GLDC: variants seen among roughly 807,000 people sequenced by gnomAD.
The protein encoded by GLDC is glycine dehydrogenase (decarboxylating), mitochondrial.
A neutral mutation model predicts 121.3 loss-of-function variants in GLDC; 104 were observed. The observed-to-expected ratio is 0.86, with a 90% CI of 0.73 to 1.01. The LOEUF is 1.01. Among genes scored for constraint, GLDC ranks in the 50% least tolerant of loss-of-function variants. GLDC has a pLI of 0.00. For synonymous variants in GLDC, 546 were observed against 480.6 expected (o/e 1.14, Z -1.78); for missense variants, 1,429 against 1,306.6 (o/e 1.09, Z -1.44).
chr9:6,592,169 A>T lies in GLDC; in HGVS notation c.1456T>A (p.Trp486Arg). Reference protein sequence around the residue: ...VNEKDLDDLLWIFGCESSAEL... With the variant: ...VNEKDLDDLLRIFGCESSAEL... ...GCAGATGACTCACAACCAAAGATCCACAACAAATCGTCCAGATCTTTTTCA... is the reference window on the plus strand; with the variant it reads ...GCAGATGACTCACAACCAAAGATCCTCAACAAATCGTCCAGATCTTTTTCA... Residue 486 changes from tryptophan (W) to arginine (R), a missense_variant, in exon 11 of 25, where the codon TGG (tryptophan) becomes AGG (arginine). Coordinates refer to ENST00000321612, the MANE Select transcript of GLDC (RefSeq NM_000170.3). 6 of 1,605,982 alleles carry T rather than the reference A, an allele frequency of 3.7e-6. No homozygotes were observed. Among genetic ancestry groups the T allele is most frequent in the Non-Finnish European group, 5.1e-6 (6 of 1,172,662 alleles).
chr9:6,587,201 T>C lies in GLDC; in HGVS notation c.1790A>G (p.Glu597Gly). 6.2e-7 allele frequency: 1 copy of C among 1,613,980 alleles called. No homozygotes were observed. Among genetic ancestry groups the C allele is most frequent in the Non-Finnish European group, 8.5e-7 (1 of 1,179,912 alleles). ...QAQGYQQLFRELEKDLCELTG... is the reference protein window; with the variant it reads ...QAQGYQQLFRGLEKDLCELTG... ...GAGTTCACACAAATCCTTCTCAAGC[T>C]CTCGGAAAAGCTGCTGATATCCTTG... Residue 597 changes from glutamate to glycine, a missense_variant, in exon 15 of 25, where the codon GAG becomes GGG. By Grantham distance (98) the Glu-to-Gly change is moderately conservative (BLOSUM62 -2). Coordinates refer to ENST00000321612, the MANE Select transcript of GLDC (RefSeq NM_000170.3).
chr9:6,545,776 G>A (rs1817374717), intron 21 of GLDC, among the ~76,000 whole-genome samples: 1 of 152,060 alleles, frequency 6.6e-6, no homozygotes, highest in Admixed American at 6.6e-5. Context: ...GAGTAGCTGG[G>A]ATTACAGATG....
chr9:6,606,702 A>T, intron 4 of GLDC, 33 bp from the exon 5 acceptor site: 1 of 1,190,900 alleles, frequency 8.4e-7, no homozygotes, highest in Non-Finnish European at 1.3e-6. Flanking sequence ...TCCAACGTGA[A>T]CATTAAATAA....
At chr9:6,579,595 G>A (rs899515342) in intron 15 of GLDC, among the ~76,000 whole-genome samples, 1 of 151,986 alleles carries the variant, frequency 6.6e-6, no homozygotes, top group Non-Finnish European at 1.5e-5. Context: ...CTGGCCTTAC[G>A]TGATCCTCCT....
intron 11 of GLDC, among the ~76,000 whole-genome samples, chr9:6,590,775 C>A (rs1818360092): frequency 6.6e-6 from 1 of 152,176 alleles, no homozygotes; most frequent in Non-Finnish European, 1.5e-5. Flanking sequence ...ATGCATGAAC[C>A]AAATATCTGT....
At chr9:6,588,896 C>G (rs986502233) in intron 12 of GLDC, among the ~76,000 whole-genome samples, 194 bp from the exon 13 acceptor site, 1 of 152,150 alleles carries the variant, frequency 6.6e-6, no homozygotes, top group Non-Finnish European at 1.5e-5. Flanking sequence ...GGACAAGAAG[C>G]TGACTGTGGG....
Position 6,535,975 on chromosome 9 carries a change from G to T in GLDC, c.2838+89C>A, listed in dbSNP as rs3765555. 282,628 of 1,090,820 alleles carry T rather than the reference G, an allele frequency of 0.26. 39,349 individuals are homozygous for T. Among genetic ancestry groups the T allele is most frequent in the Admixed American group, 0.36 (21,327 of 58,888 alleles). The allele number at this position is 1,090,820 out of a possible 1,614,324, so 67.6% of individuals were successfully genotyped here. On this transcript the variant is annotated intron_variant, in intron 23 of 24. Coordinates refer to ENST00000321612, the MANE Select transcript of GLDC (RefSeq NM_000170.3). ...ATTCTAGGGAAGAGTATCATCCTCAGTTGAGAGTTCGGGAGTTGCTGGTAC... is the reference window on the plus strand; with the variant it reads ...ATTCTAGGGAAGAGTATCATCCTCATTTGAGAGTTCGGGAGTTGCTGGTAC...
At position 6,620,483 on chromosome 9, in the gene GLDC, C is replaced by CA. The variant is rs34280433; in HGVS notation, c.335-165dup. Among the ~76,000 whole-genome samples, 442 of 142,888 alleles carry CA rather than the reference C, an allele frequency of 3.1e-3. 1 individual carries two copies. Among genetic ancestry groups the CA allele is most frequent in the Non-Finnish European group, 5.0e-3 (322 of 64,812 alleles). 93.7% of individuals were successfully genotyped at this position (142,888 alleles called of 152,430 possible). On this transcript the variant is annotated intron_variant, in intron 2 of 24. Coordinates refer to ENST00000321612, the MANE Select transcript of GLDC (RefSeq NM_000170.3). ...ACACTAAGTACTGTATGCGACATCT[C>CA]AAAAAAAAAAAAAGTCCCCAAACAA...
At chr9:6,634,569 A>AAAAAC (rs1563872444) in intron 2 of GLDC, among the ~76,000 whole-genome samples, 22 of 145,626 alleles carry the variant, frequency 1.5e-4, no homozygotes, top group African/African-American at 5.6e-4. Context: ...CAAAAAAAAA[A>AAAAAC]CCCGCCATGC....
At chr9:6,558,788 C>G in intron 16 of GLDC, 104 bp from the exon 17 acceptor site, 1 of 1,212,476 alleles carries the variant, frequency 8.2e-7, no homozygotes, top group Non-Finnish European at 1.2e-6. Context: ...TAGACACCAC[C>G]TGTTTTTATT....
intron 15 of GLDC, among the ~76,000 whole-genome samples, chr9:6,573,367 A>T (rs1281301040): frequency 6.6e-6 from 1 of 152,186 alleles, no homozygotes; most frequent in Non-Finnish European, 1.5e-5. Flanking sequence ...AAGCTGAGAC[A>T]CAAGAATCGC....
At chr9:6,550,073 G>T (rs978980555) in intron 21 of GLDC, among the ~76,000 whole-genome samples, 1 of 152,152 alleles carries the variant, frequency 6.6e-6, no homozygotes, top group East Asian at 1.9e-4. Context: ...TGCTTACTCA[G>T]GCTCTCATCG....
chr9:6,620,041 C>T, intron 3 of GLDC, 143 bp downstream of exon 3: 1 of 800,532 alleles, frequency 1.2e-6, no homozygotes, highest in Non-Finnish European at 2.2e-6. Context: ...TCCAGAGAAA[C>T]CCGGTAGGTT....
intron 18 of GLDC, among the ~76,000 whole-genome samples, chr9:6,555,634 T>G (rs1817610259): frequency 6.6e-6 from 1 of 151,238 alleles, no homozygotes; most frequent in Non-Finnish European, 1.5e-5. Flanking sequence ...ATAAAAAAAT[T>G]TAAAAAAATT....
chr9:6,588,631 C>A lies in GLDC; in HGVS notation c.1652G>T (p.Ser551Ile), dbSNP rs751822565. 9.3e-6 allele frequency: 15 copies of A among 1,609,490 alleles called. No individual in the cohort carries two copies. The highest frequency in any genetic ancestry group is 1.3e-5 in the Non-Finnish European group (15 of 1,175,922). ...ACAAATAACTACCAGTGGAATCATGCTGTGAACAAGGGAAATGTCTTTATT... is the reference window on the plus strand; with the variant it reads ...ACAAATAACTACCAGTGGAATCATGATGTGAACAAGGGAAATGTCTTTATT... ...LENKDISLVHSMIPLGSCTMK... is the reference protein window; with the variant it reads ...LENKDISLVHIMIPLGSCTMK... The change falls in exon 13 of 25, where the codon AGC (serine) becomes ATC (isoleucine). Residue 551 changes from serine (S) to isoleucine (I), a missense_variant. By Grantham distance (142) the Ser-to-Ile change is moderately radical. Coordinates refer to ENST00000321612, the MANE Select transcript of GLDC (RefSeq NM_000170.3).
At chr9:6,535,317 A>G (rs1259080688) in intron 23 of GLDC, among the ~76,000 whole-genome samples, 1 of 151,620 alleles carries the variant, frequency 6.6e-6, no homozygotes, top group Non-Finnish European at 1.5e-5. Context: ...GTGTCTTCAG[A>G]GAGAAAAGAG....
intron 15 of GLDC, among the ~76,000 whole-genome samples, chr9:6,583,967 G>T (rs892132825): frequency 1.3e-5 from 2 of 152,194 alleles, no homozygotes; most frequent in African/African-American, 2.4e-5. Flanking sequence ...CTGTACAACA[G>T]TGTGAATATA....
intron 15 of GLDC, among the ~76,000 whole-genome samples, chr9:6,577,026 A>G (rs1818078084): frequency 6.6e-6 from 1 of 152,200 alleles, no homozygotes; most frequent in African/African-American, 2.4e-5. Context: ...CCAAAGAGAA[A>G]GGTCCCTGCT....
chr9:6,609,577 G>A (rs1167118694), intron 4 of GLDC, among the ~76,000 whole-genome samples: 1 of 151,950 alleles, frequency 6.6e-6, no homozygotes, highest in African/African-American at 2.4e-5. Context: ...TGTTATGGGG[G>A]AGATCCTCAC....
Sources: allele counts gnomAD v4.1 joint callset (sites outside exome capture counted in the v4.1 genomes callset), GRCh38; gene constraint gnomAD v4.1.1; transcripts MANE v1.5; gene names NCBI Gene and HGNC (gene_info 2026-07-23, HGNC 2026-07-21).